Variants in PDZRN3 observed in about 807,000 individuals in gnomAD.
PDZRN3 encodes E3 ubiquitin-protein ligase PDZRN3.
PDZRN3 carries 38 observed loss-of-function variants against 85.7 expected under a neutral mutation model. That is an observed-to-expected ratio of 0.44 (90% CI 0.34 to 0.58). PDZRN3 has a LOEUF of 0.58. Among genes scored for constraint, PDZRN3 ranks in the 20% least tolerant of loss-of-function variants. PDZRN3 has a pLI of 0.01. For synonymous variants in PDZRN3, 759 were observed against 638.0 expected (o/e 1.19, Z -2.86); for missense variants, 1,629 against 1,506.4 (o/e 1.08, Z -1.35).
chr3:73,496,134 G>C (rs1284086046), intron 3 of PDZRN3, among the ~76,000 whole-genome samples: 1 of 151,234 alleles, frequency 6.6e-6, no homozygotes, highest in Non-Finnish European at 1.5e-5. Flanking sequence ...TATTTTTAAA[G>C]TGAAATGTAT....
At chr3:73,562,316 A>G (rs1283526850) in intron 3 of PDZRN3, among the ~76,000 whole-genome samples, 1 of 152,180 alleles carries the variant, frequency 6.6e-6, no homozygotes, top group Non-Finnish European at 1.5e-5. Context: ...AGTGTAATAT[A>G]GATAGTGTTT....
At chr3:73,447,371 C>T (rs548721550) in intron 3 of PDZRN3, among the ~76,000 whole-genome samples, 10 of 152,132 alleles carry the variant, frequency 6.6e-5, no homozygotes, top group Admixed American at 2.0e-4. Flanking sequence ...CTCTCCAGGC[C>T]GACAGAGGTT....
chr3:73,384,638 C>T lies in PDZRN3; in HGVS notation c.1928G>A (p.Cys643Tyr), dbSNP rs1251853491. The T allele has an allele frequency of 1.9e-6, 3 of 1,613,876 alleles. No individual in the cohort carries two copies. The highest frequency in any genetic ancestry group is 2.5e-6 in the Non-Finnish European group (3 of 1,180,036). Residue 643 changes from cysteine to tyrosine, a missense_variant, in exon 10 of 10, where the codon TGC becomes TAC. Cys to Tyr is a radical substitution (Grantham distance 194). Coordinates refer to ENST00000263666, the MANE Select transcript of PDZRN3 (RefSeq NM_015009.3). ...CTCCAGGAGCTCGCGGAAGCGCTCG[C>T]ACTCGTCCACCGGGATCCCCAGGTA... The part of the protein sequence containing the change: ...ADYLGIPVDE[C>Y]ERFRELLELK...
At chr3:73,452,596 C>T (rs1185049083) in intron 3 of PDZRN3, among the ~76,000 whole-genome samples, 1 of 152,162 alleles carries the variant, frequency 6.6e-6, no homozygotes, top group African/African-American at 2.4e-5. Flanking sequence ...AGGATCATCT[C>T]ATCCACCATC....
intron 3 of PDZRN3, among the ~76,000 whole-genome samples, chr3:73,488,573 C>G (rs1243758347): frequency 6.6e-6 from 1 of 152,200 alleles, no homozygotes; most frequent in Non-Finnish European, 1.5e-5. Context: ...CCTACCATCT[C>G]TACAAGTCTC....
rs1559667646 is a variant in PDZRN3 at position 73,416,875 on chromosome 3, GGTT to G, written c.919-12483_919-12481del. Among the ~76,000 whole-genome samples, 383 of 40,708 alleles carry G rather than the reference GGTT, an allele frequency of 9.4e-3. 8 individuals carry two copies. The highest frequency in any genetic ancestry group is 0.027 in the African/African-American group (366 of 13,782). The allele number at this position is 40,708 out of a possible 152,430, so 26.7% of individuals were successfully genotyped here. A position where few individuals can be genotyped will look rare whatever the true frequency, so the allele number is the denominator to read the frequency against. On this transcript the variant is annotated intron_variant, in intron 3 of 9. Coordinates refer to ENST00000263666, the MANE Select transcript of PDZRN3 (RefSeq NM_015009.3). ...GTTTTTTTTTTGTTTGTTTTTTTTT[GGTT>G]TTTTTTTTTTTTTTTTTTTTTTTTT...
At chr3:73,552,562 T>C (rs1245789991) in intron 3 of PDZRN3, among the ~76,000 whole-genome samples, 1 of 152,162 alleles carries the variant, frequency 6.6e-6, no homozygotes, top group African/African-American at 2.4e-5. Flanking sequence ...AGTGTGTGTG[T>C]CCACAGTAGC....
chr3:73,483,843 T>C (rs1381182566), intron 3 of PDZRN3, among the ~76,000 whole-genome samples: 1 of 152,134 alleles, frequency 6.6e-6, no homozygotes, highest in Non-Finnish European at 1.5e-5. Flanking sequence ...AAGTGGTGTG[T>C]GTGAAAAAGG....
In PDZRN3 at chr3:73,549,964, C is replaced by G. The variant is rs77757120; in HGVS notation, c.918+52390G>C. Among the ~76,000 whole-genome samples the G allele has an allele frequency of 4.7e-3, 716 of 152,288 alleles. 7 individuals carry two copies. The highest frequency in any genetic ancestry group is 0.017 in the African/African-American group (688 of 41,550). On this transcript the variant is annotated intron_variant, in intron 3 of 9. Transcript: ENST00000263666. Reference sequence around the variant, plus strand: ...GCCTCTAATCCATGTCCTTTCAGATCCTGGGCCCTGGCTGCCTGTTAGTGC... The same window carrying G: ...GCCTCTAATCCATGTCCTTTCAGATGCTGGGCCCTGGCTGCCTGTTAGTGC...
At chr3:73,601,547 T>C (rs948146932) in intron 3 of PDZRN3, among the ~76,000 whole-genome samples, 3 of 152,156 alleles carry the variant, frequency 2.0e-5, no homozygotes, top group African/African-American at 7.2e-5. Flanking sequence ...CCCATATGTG[T>C]ATCCATCCAA....
chr3:73,616,365 G>A (rs2106914592), intron 1 of PDZRN3, among the ~76,000 whole-genome samples: 1 of 152,322 alleles, frequency 6.6e-6, no homozygotes, highest in South Asian at 2.1e-4. Context: ...AAGTGCACTT[G>A]CTTACATGAA....
chr3:73,576,783 T>G (rs529321620), intron 3 of PDZRN3, among the ~76,000 whole-genome samples: 1 of 152,330 alleles, frequency 6.6e-6, no homozygotes, highest in South Asian at 2.1e-4. Flanking sequence ...ACTGTCATCT[T>G]GTTGGTGTGT....
At chr3:73,570,715 G>A (rs557085380) in intron 3 of PDZRN3, among the ~76,000 whole-genome samples, 4 of 152,208 alleles carry the variant, frequency 2.6e-5, no homozygotes, top group South Asian at 4.2e-4. Context: ...ATGGTGGCCC[G>A]TATGAGCCCC....
chr3:73,469,077 C>CTT (rs536974688), intron 3 of PDZRN3, among the ~76,000 whole-genome samples: 7 of 144,180 alleles, frequency 4.9e-5, no homozygotes, highest in Non-Finnish European at 9.2e-5. Flanking sequence ...AAAGATTCAT[C>CTT]TTTTTTTTTT....
intron 5 of PDZRN3, 105 bp downstream of exon 5, chr3:73,400,817 C>G (rs928542719): frequency 2.0e-5 from 16 of 816,888 alleles, no homozygotes; most frequent in Non-Finnish European, 3.0e-5. Context: ...GCTTTTGTTA[C>G]TTTCCATCGG....
At chr3:73,609,936 A>G (rs1248637182) in intron 1 of PDZRN3, among the ~76,000 whole-genome samples, 1 of 152,200 alleles carries the variant, frequency 6.6e-6, no homozygotes, top group Non-Finnish European at 1.5e-5. Context: ...CTGGTTTCAC[A>G]TTTTGCCAGG....
intron 3 of PDZRN3, among the ~76,000 whole-genome samples, chr3:73,491,027 G>A (rs2106659570): frequency 6.6e-6 from 1 of 152,320 alleles, no homozygotes. Context: ...GGTCAGTTCA[G>A]CTCGCTCCAG....
chr3:73,485,325 A>C (rs998924442), intron 3 of PDZRN3, among the ~76,000 whole-genome samples: 3 of 149,212 alleles, frequency 2.0e-5, no homozygotes, highest in African/African-American at 7.3e-5. Flanking sequence ...TATAATATTA[A>C]TATTTATAAT....
In PDZRN3 at chr3:73,624,374, G is replaced by T; in HGVS notation, c.452C>A (p.Thr151Lys). ...GCCGCCCGCGCGCTGCTCGCCGTGC[G>T]TCAAGGGTAGCCCGCAGCCCTCCTG... ...RCQEGCGLPL[T>K]HGEQRAGGHC... The change falls in exon 1 of 10, where the codon ACG becomes AAG. Residue 151 changes from threonine (T) to lysine (K), a missense_variant. By Grantham distance (78) the Thr-to-Lys change is moderately conservative (BLOSUM62 -1). Transcript: ENST00000263666. 7.6e-7 allele frequency: 1 copy of T among 1,310,742 alleles called. No individual in the cohort carries two copies. The highest frequency in any genetic ancestry group is 2.2e-5 in the South Asian group (1 of 45,842). 81.2% of individuals were successfully genotyped at this position (1,310,742 alleles called of 1,614,324 possible). A position where few individuals can be genotyped will look rare whatever the true frequency, so the allele number is the denominator to read the frequency against.
Sources: allele counts gnomAD v4.1 joint callset (sites outside exome capture counted in the v4.1 genomes callset), GRCh38; gene constraint gnomAD v4.1.1; transcripts MANE v1.5; gene names NCBI Gene and HGNC (gene_info 2026-07-23, HGNC 2026-07-21).